The following MYH14 variants were observed in gnomAD, a reference collection of about 807,000 sequenced individuals.
MYH14 encodes myosin-14.
MYH14 carries 123 observed loss-of-function variants against 255.5 expected under a neutral mutation model. The observed-to-expected ratio is 0.48, with a 90% CI of 0.42 to 0.56. The LOEUF (loss-of-function observed/expected upper bound fraction) is 0.56. Among genes scored for constraint, MYH14 ranks in the 20% least tolerant of loss-of-function variants. MYH14 has a pLI of 0.00. For missense variants in MYH14, 2,423 were observed against 2,802.3 expected (o/e 0.86, Z 3.06); for synonymous variants, 1,095 against 1,161.2 (o/e 0.94, Z 1.16).
chr19:50,265,125 G>A (rs1021978102), intron 22 of MYH14, among the ~76,000 whole-genome samples: 1 of 152,324 alleles, frequency 6.6e-6, no homozygotes, highest in Non-Finnish European at 1.5e-5. Context: ...GCTGCACTGC[G>A]GCCTGTGGGC....
intron 39 of MYH14, among the ~76,000 whole-genome samples, chr19:50,300,415 A>T (rs538951934): frequency 1.6e-4 from 24 of 152,230 alleles, no homozygotes; most frequent in Admixed American, 6.5e-4. Context: ...TTTTTATTTG[A>T]TTAATGTTTG....
chr19:50,274,254 A>G (rs2035424026), intron 27 of MYH14, among the ~76,000 whole-genome samples: 1 of 152,164 alleles, frequency 6.6e-6, no homozygotes, highest in Non-Finnish European at 1.5e-5. Flanking sequence ...GATTTTGCCC[A>G]TTCACAATGC....
rs969140724 is a variant in MYH14, at chr19:50,247,837, G to A, written c.1329+715G>A. 4.6e-5 allele frequency among the ~76,000 whole-genome samples: 7 copies of A among 151,992 alleles called. No homozygotes were observed. In the East Asian group the frequency reaches 7.7e-4, roughly 17 times the overall value. On this transcript the variant is annotated intron_variant, in intron 12 of 42. Transcript: ENST00000642316. ...TCCCAGCTCTTTGGGAGGCTGAGGC[G>A]GACAGATTGAGCTCAGGAGTTCAAG...
intron 3 of MYH14, among the ~76,000 whole-genome samples, chr19:50,219,605 C>T (rs1045137005): frequency 4.6e-5 from 7 of 152,076 alleles, no homozygotes; most frequent in African/African-American, 7.2e-5. Context: ...CAACATTTAT[C>T]GTTGAATTGT....
chr19:50,281,042 T>G (rs201674954), intron 32 of MYH14, among the ~76,000 whole-genome samples: 2 of 152,234 alleles, frequency 1.3e-5, no homozygotes, highest in East Asian at 3.9e-4. Flanking sequence ...CCCTTCAAAC[T>G]AGAATCCCAT....
rs537342649 is a variant in MYH14, at chr19:50,209,513, G to A, written c.-3-850G>A. 5.3e-5 allele frequency among the ~76,000 whole-genome samples: 8 copies of A among 152,228 alleles called. No homozygotes were observed. The South Asian group carries it at 6.2e-4, about 12-fold the overall frequency. Reference sequence around the variant, plus strand: ...AAATTGAAAATAATTGGCCAGGCGCGGTGGCTCACACCTGTAATCCCAGCA... The same window carrying A: ...AAATTGAAAATAATTGGCCAGGCGCAGTGGCTCACACCTGTAATCCCAGCA... On this transcript the variant is annotated intron_variant, in intron 1 of 42. Coordinates refer to ENST00000642316, the MANE Select transcript of MYH14 (RefSeq NM_001145809.2).
At chr19:50,225,561 T>C (rs761619229) in intron 6 of MYH14, 24 bp from the exon 7 acceptor site, 1 of 1,602,836 alleles carries the variant, frequency 6.2e-7, no homozygotes, top group South Asian at 1.1e-5. Flanking sequence ...ACTGACCTCA[T>C]GCATCATCTC....
Position 50,278,197 on chromosome 19 carries a change from C to T in MYH14, c.3940C>T (p.Arg1314Cys), listed in dbSNP as rs776550700. The change falls in exon 30 of 43, where the codon CGC (arginine) becomes TGC (cysteine). Residue 1314 changes from arginine to cysteine, a missense_variant. By Grantham distance (180) the Arg-to-Cys change is radical. Transcript: ENST00000642316. The stretch of plus-strand genomic sequence containing the variant: ...TCAGGAGGGTGAGCAGCGGAGGCGC[C>T]GCCTGGAGTTACAGCTGCAGGAGGT... ...ARQEGEQRRR[R>C]LELQLQEVQG... 6.8e-6 allele frequency: 11 copies of T among 1,610,216 alleles called. No homozygotes were observed. The highest frequency in any genetic ancestry group is 7.6e-6 in the Non-Finnish European group (9 of 1,178,530).
chr19:50,261,595 G>T lies in MYH14; in HGVS notation c.2545G>T (p.Val849Phe). Residue 849 changes from valine (V) to phenylalanine (F), a missense_variant, in exon 21 of 43, where the codon GTC becomes TTC. Transcript: ENST00000642316. ...ERDLKVTDII[V>F]SFQAAARGYL... ...AGACCTGAAGGTCACCGACATCATC[G>T]TCTCCTTCCAGGCAGCTGCCCGGGG... 2.5e-6 allele frequency: 4 copies of T among 1,604,026 alleles called. No individual in the cohort carries two copies. Among genetic ancestry groups the T allele is most frequent in the Non-Finnish European group, 3.4e-6 (4 of 1,176,654 alleles).
chr19:50,246,716 C>T (rs556521136), intron 11 of MYH14, among the ~76,000 whole-genome samples: 68 of 152,330 alleles, frequency 4.5e-4, no homozygotes, highest in African/African-American at 1.6e-3. Context: ...GCTTCTTGGG[C>T]ACTGAGGTTG....
intron 10 of MYH14, among the ~76,000 whole-genome samples, chr19:50,239,271 G>A (rs1038776055): frequency 2.6e-5 from 4 of 152,264 alleles, no homozygotes; most frequent in Admixed American, 2.0e-4. Context: ...CGCCTGCCTC[G>A]GCCTCCCGAA....
At chr19:50,254,452 T>C (rs1039124948) in intron 16 of MYH14, among the ~76,000 whole-genome samples, 3 of 152,100 alleles carry the variant, frequency 2.0e-5, no homozygotes, top group African/African-American at 7.2e-5. Context: ...CGGCTGAAAA[T>C]CTGCTGCCCT....
At chr19:50,248,401 A>G (rs910167542) in intron 12 of MYH14, among the ~76,000 whole-genome samples, 1 of 152,082 alleles carries the variant, frequency 6.6e-6, no homozygotes, top group African/African-American at 2.4e-5. Context: ...AGCTCACACC[A>G]TGAGCAGGGA....
At chr19:50,258,869 T>A in intron 18 of MYH14, 1 of 352,982 alleles carries the variant, frequency 2.8e-6, no homozygotes, top group Non-Finnish European at 5.1e-6. Flanking sequence ...CATCCCTCCC[T>A]GCGGATCTTT....
chr19:50,268,390 C>T (rs866338416), intron 24 of MYH14, 23 bp downstream of exon 24: 1 of 1,548,790 alleles, frequency 6.5e-7, no homozygotes. Flanking sequence ...GCATGCCCAC[C>T]AGGCCACCCT....
At position 50,276,698 on chromosome 19, in the gene MYH14, A is replaced by C; in HGVS notation, c.3681-59A>C. On this transcript the variant is annotated intron_variant, in intron 28 of 42. Transcript: ENST00000642316. This position sits in a 1 kb window ranked among gnomAD's most constrained non-coding sequence, Gnocchi z 4.3. ...AAAAGGAGAAACAACCAGCTCCCCC[A>C]AAGCCCCTGCCTTCCTCTGCTCTGA... 1 of 1,610,500 alleles carries C rather than the reference A, an allele frequency of 6.2e-7. No individual in the cohort carries two copies. The highest frequency in any genetic ancestry group is 1.1e-5 in the South Asian group (1 of 90,948).
intron 25 of MYH14, 26 bp from the exon 26 acceptor site, chr19:50,271,823 G>GC (rs751363452): frequency 6.2e-7 from 1 of 1,612,022 alleles, no homozygotes; most frequent in Non-Finnish European, 8.5e-7. Flanking sequence ...CCTCCTGACT[G>GC]CCCCCCATCC....
chr19:50,205,847 G>A (rs1307041885), intron 1 of MYH14, among the ~76,000 whole-genome samples: 1 of 151,504 alleles, frequency 6.6e-6, no homozygotes, highest in Non-Finnish European at 1.5e-5. Context: ...TGAGACAGGA[G>A]GGCATTGAGT....
chr19:50,247,736 G>A (rs2034187523), intron 12 of MYH14, among the ~76,000 whole-genome samples: 2 of 151,976 alleles, frequency 1.3e-5, no homozygotes, highest in African/African-American at 4.8e-5. Context: ...TAAAGGCCCT[G>A]GGGGTGGAGC....
Sources: allele counts gnomAD v4.1 joint callset (sites outside exome capture counted in the v4.1 genomes callset), GRCh38; gene constraint gnomAD v4.1.1; non-coding constraint Gnocchi (gnomAD v3.1); transcripts MANE v1.5; gene names NCBI Gene and HGNC (gene_info 2026-07-23, HGNC 2026-07-21).